The following PRKCQ variants were observed in gnomAD, a reference collection of about 807,000 sequenced individuals.
PRKCQ encodes the protein protein kinase C theta type.
A neutral mutation model predicts 91.2 loss-of-function variants in PRKCQ; 41 were observed. The observed-to-expected ratio is 0.45, with a 90% CI of 0.35 to 0.58. PRKCQ has a LOEUF of 0.58. PRKCQ is among the 20% of genes least tolerant of loss of function. The pLI, the probability that PRKCQ is intolerant of heterozygous loss-of-function variation, is 0.00. For synonymous variants in PRKCQ, 307 were observed against 316.9 expected (o/e 0.97, Z 0.33); for missense variants, 673 against 896.5 (o/e 0.75, Z 3.18).
intron 1 of PRKCQ, among the ~76,000 whole-genome samples, chr10:6,545,453 T>C (rs930081400): frequency 3.3e-5 from 5 of 152,170 alleles, no homozygotes; most frequent in African/African-American, 1.2e-4. Flanking sequence ...TGGAGGAAAC[T>C]TGGGGACATT....
upstream of PRKCQ, chr10:6,580,296 TGGCGGGGC>T (rs1841429903): frequency 2.7e-5 from 4 of 145,576 alleles, no homozygotes; most frequent in African/African-American, 9.9e-5. Flanking sequence ...CTGGCGGGGC[TGGCGGGGC>T]TGGCGGGGCT....
intron 8 of PRKCQ, among the ~76,000 whole-genome samples, chr10:6,486,438 A>T (rs897028122): frequency 6.6e-6 from 1 of 152,126 alleles, no homozygotes; most frequent in Admixed American, 6.5e-5. Flanking sequence ...CCTGCGTGCC[A>T]TGTCAGTTTA....
chr10:6,429,308 A>G (rs1428143074), intron 17 of PRKCQ, among the ~76,000 whole-genome samples: 1 of 152,258 alleles, frequency 6.6e-6, no homozygotes, highest in African/African-American at 2.4e-5. Context: ...TAGTTCTGAT[A>G]GCTAAAAACA....
In PRKCQ at chr10:6,534,793, GAT is replaced by G. The variant is rs755054607; in HGVS notation, c.-9-19651_-9-19650del. On this transcript the variant is annotated intron_variant, in intron 1 of 17. Coordinates refer to ENST00000263125, the MANE Select transcript of PRKCQ (RefSeq NM_006257.5). Reference sequence around the variant, plus strand: ...ATATATCTATATATATATATATATAGATATATATATATATATATAAACTCATT... The same window carrying G: ...ATATATCTATATATATATATATATAGATATATATATATATATAAACTCATT... 9.9e-3 allele frequency among the ~76,000 whole-genome samples: 909 copies of G among 91,418 alleles called. 14 individuals carry two copies. Among genetic ancestry groups the G allele is most frequent in the African/African-American group, 0.026 (795 of 30,310 alleles). The allele number at this position is 91,418 out of a possible 152,430, so 60.0% of individuals were successfully genotyped here.
At position 6,478,984 on chromosome 10, in the gene PRKCQ, A is replaced by C. The variant is rs765137268; in HGVS notation, c.1353+8T>G. On this transcript the variant is annotated splice_region_variant and intron_variant, in intron 12 of 17. Transcript: ENST00000263125. ...GGGGAGGTAGGGTTGTCGGAGCAGA[A>C]GCCATACCTTGGTCTGGAATGTACA... 14 of 1,613,744 alleles carry C rather than the reference A, an allele frequency of 8.7e-6. No homozygotes were observed. The highest frequency in any genetic ancestry group is 1.2e-5 in the Non-Finnish European group (14 of 1,179,824).
chr10:6,487,186 G>A (rs903707225), intron 8 of PRKCQ, among the ~76,000 whole-genome samples: 4 of 152,168 alleles, frequency 2.6e-5, no homozygotes, highest in Admixed American at 2.0e-4. Flanking sequence ...ATTACTAGAT[G>A]AGAATGTTAA....
intron 16 of PRKCQ, among the ~76,000 whole-genome samples, chr10:6,439,054 CTG>C (rs879569676): frequency 9.8e-5 from 15 of 152,368 alleles, no homozygotes; most frequent in Middle Eastern, 3.4e-3. Flanking sequence ...CGCCCATACA[CTG>C]TGGAGAATAT....
intron 1 of PRKCQ, among the ~76,000 whole-genome samples, chr10:6,528,707 G>T (rs576451983): frequency 1.3e-5 from 2 of 152,336 alleles, no homozygotes; most frequent in South Asian, 4.1e-4. Flanking sequence ...AGCTTTGGTG[G>T]CTAAGTGTCT....
chr10:6,521,170 C>T (rs1326824211), intron 1 of PRKCQ, among the ~76,000 whole-genome samples: 2 of 152,168 alleles, frequency 1.3e-5, no homozygotes, highest in Non-Finnish European at 2.9e-5. Flanking sequence ...AGAGAAGGGG[C>T]CATGACTTCA....
intron 2 of PRKCQ, 113 bp from the exon 3 acceptor site, chr10:6,511,307 T>C (rs1029939836): frequency 1.2e-5 from 12 of 1,005,884 alleles, no homozygotes; most frequent in Middle Eastern, 3.2e-4. Context: ...TAGAATTCTG[T>C]TGGGAAGACA....
intron 9 of PRKCQ, 128 bp from the exon 10 acceptor site, chr10:6,485,397 T>A (rs868115299): frequency 2.8e-6 from 2 of 725,780 alleles, no homozygotes; most frequent in South Asian, 1.6e-5. Context: ...GATCTCCTTA[T>A]CCTCAACGTT....
In PRKCQ at chr10:6,428,761, G is replaced by A. The variant is rs970272461; in HGVS notation, c.1966-399C>T. ...GGTGGTGGGGAGAGGGAGTGAGGGG[G>A]TGTGAGCGGAGGGATGGGAAGAGAG... On this transcript the variant is annotated intron_variant, in intron 17 of 17. Transcript: ENST00000263125. Among the ~76,000 whole-genome samples, 3 of 152,112 alleles carry A rather than the reference G, an allele frequency of 2.0e-5. No homozygotes were observed. In the East Asian group the frequency reaches 5.8e-4, roughly 29 times the overall value.
the PRKCQ span, among the ~76,000 whole-genome samples, chr10:6,402,669 C>T: frequency 1.3e-5 from 2 of 152,214 alleles, no homozygotes; most frequent in Non-Finnish European, 2.9e-5. Flanking sequence ...GGCAGGGTGG[C>T]TCATGCCCGT....
At chr10:6,431,036 T>G (rs1053716846) in intron 16 of PRKCQ, 98 bp from the exon 17 acceptor site, 2 of 1,437,162 alleles carry the variant, frequency 1.4e-6, no homozygotes. Context: ...CCTTCTTTTC[T>G]AACCTCATTT....
chr10:6,486,001 A>G (rs771282575), intron 9 of PRKCQ, 34 bp downstream of exon 9: 2 of 1,568,980 alleles, frequency 1.3e-6, no homozygotes, highest in South Asian at 2.2e-5. Flanking sequence ...CTGAGCGGCC[A>G]TGGCGGGAAC....
intron 1 of PRKCQ, among the ~76,000 whole-genome samples, chr10:6,552,755 C>A (rs1342516543): frequency 7.9e-5 from 12 of 152,190 alleles, no homozygotes; most frequent in African/African-American, 2.7e-4. Flanking sequence ...GTGTGAGTCG[C>A]TGCACCCAAC....
chr10:6,558,227 G>T (rs1247909291), intron 1 of PRKCQ, among the ~76,000 whole-genome samples: 1 of 152,138 alleles, frequency 6.6e-6, no homozygotes, highest in Non-Finnish European at 1.5e-5. Context: ...TATGGCTAAA[G>T]ATATATATTA....
chr10:6,568,226 A>C (rs1485682660), intron 1 of PRKCQ, among the ~76,000 whole-genome samples: 2 of 152,156 alleles, frequency 1.3e-5, no homozygotes, highest in African/African-American at 4.8e-5. Context: ...CAAAAAAGAA[A>C]AAAACAAAAC....
intron 8 of PRKCQ, among the ~76,000 whole-genome samples, chr10:6,490,151 G>A (rs1281207211): frequency 4.6e-5 from 7 of 152,072 alleles, no homozygotes; most frequent in Admixed American, 3.3e-4. Flanking sequence ...GGCCAGGAAC[G>A]GATTCTTGAG....
Sources: gnomAD v4.1 joint callset for allele counts (sites outside exome capture counted in the v4.1 genomes callset) on GRCh38, gnomAD v4.1.1 for gene constraint, MANE v1.5 for transcripts, NCBI Gene and HGNC (gene_info 2026-07-23, HGNC 2026-07-21) for gene names.